Variants in ADARB1 observed in about 807,000 individuals in gnomAD.
The protein encoded by ADARB1 is adenosine deaminase RNA specific B1.
Under a neutral mutation model 52.4 loss-of-function variants are expected in ADARB1, and 10 were observed. The ratio of observed to expected loss-of-function variants is 0.19; its 90% confidence interval spans 0.12 to 0.32. ADARB1 has a LOEUF of 0.32. Among genes scored for constraint, ADARB1 ranks in the 10% least tolerant of loss-of-function variants. The pLI is 1.00. For synonymous variants in ADARB1, 349 were observed against 371.1 expected (o/e 0.94, Z 0.68); for missense variants, 643 against 922.3 (o/e 0.70, Z 3.92).
At chr21:45,126,386 T>C (rs1295776226) in intron 1 of ADARB1, among the ~76,000 whole-genome samples, 1 of 152,202 alleles carries the variant, frequency 6.6e-6, no homozygotes, top group African/African-American at 2.4e-5. Flanking sequence ...TTTCAGCCGC[T>C]GTCTGCTGTC....
At chr21:45,152,639 A>T (rs764220821) in intron 2 of ADARB1, 2 of 451,416 alleles carry the variant, frequency 4.4e-6, no homozygotes, top group Non-Finnish European at 8.9e-6. Context: ...GCCTTTGCAC[A>T]TGGGGACCTT....
chr21:45,090,647 C>G (rs2086525925), intron 1 of ADARB1, among the ~76,000 whole-genome samples: 1 of 152,160 alleles, frequency 6.6e-6, no homozygotes, highest in Admixed American at 6.5e-5. Flanking sequence ...TCTGTGTGCA[C>G]TCACACAACC....
In ADARB1 at chr21:45,222,439, G is replaced by A; in HGVS notation, c.*242G>A. 7.8e-7 allele frequency: 1 copy of A among 1,283,970 alleles called. No individual in the cohort carries two copies. 79.5% of individuals were successfully genotyped at this position (1,283,970 alleles called of 1,614,324 possible). On this transcript the variant is annotated 3_prime_UTR_variant, in exon 11 of 11. Transcript: ENST00000348831. ...CGCCGCCTGGCATCTCTCTGCCGCA[G>A]CATTTCCCCTTCTGAACCGTCCAGT... is the stretch of plus-strand genomic sequence containing the variant.
At chr21:45,119,787 T>C (rs1402294280) in intron 1 of ADARB1, among the ~76,000 whole-genome samples, 1 of 152,188 alleles carries the variant, frequency 6.6e-6, no homozygotes, top group African/African-American at 2.4e-5. Flanking sequence ...AAATCATGGC[T>C]CCTGAAACTA....
At position 45,145,919 on chromosome 21, in the gene ADARB1, A is replaced by G. The variant is rs1026002822; in HGVS notation, c.-48+17346A>G. 5.2e-5 allele frequency: 8 copies of G among 152,400 alleles called. No homozygotes were observed. The East Asian group carries it at 5.8e-4, about 11-fold the overall frequency. The allele number at this position is 152,400 out of a possible 1,614,324, so 9.4% of individuals were successfully genotyped here. The stretch of plus-strand genomic sequence containing the variant: ...CCAGATTCCTGAAAAGTTACACACA[A>G]GCCAGCTGACATGACCTTTGCCAGT... On this transcript the variant is annotated intron_variant, in intron 2 of 10. Transcript: ENST00000348831.
In ADARB1 at chr21:45,131,955, G is replaced by A. The variant is rs767445088; in HGVS notation, c.-48+3382G>A. ...TGGAGGTTCTCGAGATGGGCAGTCCGGGTGGATGGTCAGGCCAATGAGGGC... is the reference window on the plus strand; with the variant it reads ...TGGAGGTTCTCGAGATGGGCAGTCCAGGTGGATGGTCAGGCCAATGAGGGC... On this transcript the variant is annotated intron_variant, in intron 2 of 10. Transcript: ENST00000348831. Among the ~76,000 whole-genome samples, 6 of 152,322 alleles carry A rather than the reference G, an allele frequency of 3.9e-5. No homozygotes were observed. The Middle Eastern group carries it at 0.014, about 345-fold the overall frequency.
At chr21:45,134,321 C>T (rs1398143051) in intron 2 of ADARB1, among the ~76,000 whole-genome samples, 1 of 17,294 alleles carries the variant, frequency 5.8e-5, no homozygotes, top group Non-Finnish European at 1.3e-4. Flanking sequence ...GTGCGCCCGC[C>T]GGGTGTGTGC....
At chr21:45,196,217 C>T (rs951473744) in intron 8 of ADARB1, among the ~76,000 whole-genome samples, 5 of 151,604 alleles carry the variant, frequency 3.3e-5, no homozygotes, top group African/African-American at 1.2e-4. Flanking sequence ...TAATTTTTGA[C>T]CAAGGCACAA....
At chr21:45,179,574 G>A (rs1390896656) in intron 4 of ADARB1, among the ~76,000 whole-genome samples, 2 of 152,232 alleles carry the variant, frequency 1.3e-5, no homozygotes, top group African/African-American at 4.8e-5. Flanking sequence ...TCTGTTCTCA[G>A]AAGCACTTTA....
chr21:45,217,606 G>T (rs969002647), intron 9 of ADARB1, among the ~76,000 whole-genome samples: 10 of 151,942 alleles, frequency 6.6e-5, no homozygotes, highest in African/African-American at 2.4e-4. Context: ...TAAATAATAA[G>T]AAAAAAACCT....
chr21:45,186,594 C>A (rs929319302), intron 8 of ADARB1, among the ~76,000 whole-genome samples: 1 of 152,182 alleles, frequency 6.6e-6, no homozygotes, highest in Non-Finnish European at 1.5e-5. Flanking sequence ...ATTTTTATTT[C>A]TCTTTATCAC....
intron 2 of ADARB1, among the ~76,000 whole-genome samples, chr21:45,164,328 G>A (rs954153498): frequency 6.6e-6 from 1 of 152,150 alleles, no homozygotes; most frequent in Non-Finnish European, 1.5e-5. Flanking sequence ...CCCCTGCGTT[G>A]GCACAAGTAC....
intron 1 of ADARB1, among the ~76,000 whole-genome samples, chr21:45,120,336 C>T (rs966908397): frequency 2.0e-5 from 3 of 152,174 alleles, no homozygotes; most frequent in Non-Finnish European, 2.9e-5. Flanking sequence ...TTTACATTTT[C>T]GTTAGAAAAA....
rs1278493522 is a variant in ADARB1, at chr21:45,176,313, G to A, written c.612G>A (p.Gly204=). 3.7e-6 allele frequency: 6 copies of A among 1,613,936 alleles called. No homozygotes were observed. The highest frequency in any genetic ancestry group is 1.6e-4 in the Middle Eastern group (1 of 6,080). Reference sequence around the variant, plus strand: ...GGGATGACTCCTTCAGTTCCAGCGGGGACCTCAGCTTGTCTGCTTCCCCGG... The same window carrying A: ...GGGATGACTCCTTCAGTTCCAGCGGAGACCTCAGCTTGTCTGCTTCCCCGG... ...SNGDDSFSSS[G]DLSLSASPVP... Residue 204 remains glycine (G), a synonymous_variant, in exon 4 of 11, where the codon GGG becomes GGA. Transcript: ENST00000348831. This position sits in a 1 kb window ranked among gnomAD's most constrained non-coding sequence, Gnocchi z 5.8.
intron 1 of ADARB1, among the ~76,000 whole-genome samples, chr21:45,119,406 G>A (rs2088020470): frequency 6.6e-6 from 1 of 152,236 alleles, no homozygotes; most frequent in South Asian, 2.1e-4. Flanking sequence ...ATCACTCTCA[G>A]TGGCAAAATT....
rs114521281 is a variant in ADARB1, at chr21:45,120,059, A to C, written c.-219-8343A>C. ...CTAGACCTCTATAAAGCCTAGTAACACCTCAGGTTTAGGTTATAAATCTTA... is the reference window on the plus strand; with the variant it reads ...CTAGACCTCTATAAAGCCTAGTAACCCCTCAGGTTTAGGTTATAAATCTTA... On this transcript the variant is annotated intron_variant, in intron 1 of 10. Transcript: ENST00000348831. Among the ~76,000 whole-genome samples the C allele has an allele frequency of 4.2e-3, 637 of 152,322 alleles. 4 individuals are homozygous for C. Among genetic ancestry groups the C allele is most frequent in the African/African-American group, 0.015 (603 of 41,576 alleles).
At chr21:45,107,826 A>C (rs2087325988) in intron 1 of ADARB1, among the ~76,000 whole-genome samples, 2 of 152,342 alleles carry the variant, frequency 1.3e-5, no homozygotes, top group African/African-American at 4.8e-5. Flanking sequence ...CAACAAAGAA[A>C]AGATGGATGA....
At chr21:45,180,163 T>C (rs142457530) in intron 4 of ADARB1, among the ~76,000 whole-genome samples, 167 bp from the exon 5 acceptor site, 4 of 152,368 alleles carry the variant, frequency 2.6e-5, no homozygotes, top group Admixed American at 6.5e-5. Flanking sequence ...AGGAATGTTC[T>C]GGAAGAAACA....
intron 1 of ADARB1, among the ~76,000 whole-genome samples, chr21:45,076,462 T>C (rs2085939881): frequency 6.6e-6 from 1 of 152,210 alleles, no homozygotes; most frequent in African/African-American, 2.4e-5. Context: ...AGACTGGGTA[T>C]ATCCCACTAC....
Sources: allele counts gnomAD v4.1 joint callset (sites outside exome capture counted in the v4.1 genomes callset), GRCh38; gene constraint gnomAD v4.1.1; non-coding constraint Gnocchi (gnomAD v3.1); transcripts MANE v1.5; gene names NCBI Gene and HGNC (gene_info 2026-07-23, HGNC 2026-07-21).